The following CACNA1C variants were observed in gnomAD, a reference collection of about 807,000 sequenced individuals.
The protein encoded by CACNA1C is voltage-dependent L-type calcium channel subunit alpha-1C.
Under a neutral mutation model 229.0 loss-of-function variants are expected in CACNA1C, and 30 were observed. That is an observed-to-expected ratio of 0.13 (90% confidence interval 0.10 to 0.18). The LOEUF (loss-of-function observed/expected upper bound fraction) is 0.18. CACNA1C is among the 10% of genes least tolerant of loss of function. The pLI is 1.00. For missense variants in CACNA1C, 1,658 were observed against 2,845.0 expected, an observed-to-expected ratio of 0.58 and a Z score of 9.49; for synonymous variants, 1,114 against 1,132.5, an observed-to-expected ratio of 0.98 and a Z score of 0.33.
intron 3 of CACNA1C, among the ~76,000 whole-genome samples, chr12:2,201,697 T>A (rs1259619126): frequency 6.6e-6 from 1 of 152,238 alleles, no homozygotes; most frequent in Non-Finnish European, 1.5e-5. Flanking sequence ...AACAAGTTAC[T>A]GTGTCACATA....
chr12:2,178,438 T>A (rs2096732734), intron 3 of CACNA1C, among the ~76,000 whole-genome samples: 2 of 152,224 alleles, frequency 1.3e-5, no homozygotes, highest in African/African-American at 4.8e-5. Context: ...ATTATGTTTT[T>A]CCGACAATCC....
chr12:2,100,753 C>T (rs116444996), intron 1 of CACNA1C, among the ~76,000 whole-genome samples: 115 of 149,578 alleles, frequency 7.7e-4, no homozygotes, highest in African/African-American at 2.7e-3. Context: ...ACGAGACTGT[C>T]TCAAAAAAAG....
chr12:2,147,022 C>A (rs148538871), intron 3 of CACNA1C, among the ~76,000 whole-genome samples: 1 of 150,936 alleles, frequency 6.6e-6, no homozygotes, highest in African/African-American at 2.4e-5. Flanking sequence ...TCCAACCCCC[C>A]CAATTATCAA....
In CACNA1C at chr12:2,488,463, T is replaced by C. The variant is rs1292031852; in HGVS notation, c.916+2201T>C. ...CCGAACCTGTCATGGCCTCCTCTTCTCTTAGGACAAAGATAAGACTTGGCC... is the reference window on the plus strand; with the variant it reads ...CCGAACCTGTCATGGCCTCCTCTTCCCTTAGGACAAAGATAAGACTTGGCC... On this transcript the variant is annotated intron_variant, in intron 6 of 46. Coordinates refer to ENST00000399655, the MANE Select transcript of CACNA1C (RefSeq NM_000719.7). The surrounding 1 kb of genome is among the most constrained non-coding windows in gnomAD (Gnocchi z 4.0). Among the ~76,000 whole-genome samples, 2 of 152,166 alleles carry C rather than the reference T, an allele frequency of 1.3e-5. No homozygotes were observed. Among genetic ancestry groups the C allele is most frequent in the African/African-American group, 4.8e-5 (2 of 41,432 alleles).
intron 3 of CACNA1C, among the ~76,000 whole-genome samples, chr12:2,376,703 C>G (rs1245949084): frequency 6.6e-6 from 1 of 152,140 alleles, no homozygotes; most frequent in Admixed American, 6.5e-5. Flanking sequence ...GCAAGACCAC[C>G]CCAAGAACCC....
chr12:2,538,376 G>T (rs2099860911), intron 9 of CACNA1C, among the ~76,000 whole-genome samples: 1 of 152,188 alleles, frequency 6.6e-6, no homozygotes, highest in Non-Finnish European at 1.5e-5. Flanking sequence ...GGTTCTGGAA[G>T]CTGATGGCAC....
chr12:2,516,802 A>G (rs1341373565), intron 9 of CACNA1C, among the ~76,000 whole-genome samples: 1 of 152,188 alleles, frequency 6.6e-6, no homozygotes, highest in African/African-American at 2.4e-5. Flanking sequence ...GATGTTGAGT[A>G]TGTAATAAGG....
At chr12:2,171,433 G>T (rs1315833147) in intron 3 of CACNA1C, among the ~76,000 whole-genome samples, 1 of 152,192 alleles carries the variant, frequency 6.6e-6, no homozygotes, top group African/African-American at 2.4e-5. Flanking sequence ...TGAGCATTCT[G>T]CAGGGAGTCC....
rs759714594 is a variant in CACNA1C at position 2,651,526 on chromosome 12, C to A, written c.3946-114C>A. On this transcript the variant is annotated intron_variant, in intron 31 of 46. Coordinates refer to ENST00000399655, the MANE Select transcript of CACNA1C (RefSeq NM_000719.7). The surrounding 1 kb of genome is among the most constrained non-coding windows in gnomAD (Gnocchi z 5.4). ...GGAGGGGGAAGTCTAGTGCAGCAAA[C>A]CCTGGCCTGCCTTCCGCCACTGCCA... 2.0e-6 allele frequency: 3 copies of A among 1,534,850 alleles called. No individual in the cohort carries two copies. The East Asian group carries it at 6.8e-5, about 35-fold the overall frequency.
chr12:2,384,370 T>G (rs547498033), intron 3 of CACNA1C, among the ~76,000 whole-genome samples: 69 of 152,334 alleles, frequency 4.5e-4, no homozygotes, highest in African/African-American at 1.6e-3. Context: ...CTTATGTTGT[T>G]GGATCTTACT....
chr12:2,418,095 T>G (rs1353235955), intron 3 of CACNA1C, among the ~76,000 whole-genome samples: 3 of 152,166 alleles, frequency 2.0e-5, no homozygotes, highest in Non-Finnish European at 4.4e-5. Context: ...TCTCTGCTTT[T>G]GGGTCCCTGT....
intron 21 of CACNA1C, among the ~76,000 whole-genome samples, chr12:2,599,188 A>G (rs2153385980): frequency 6.6e-6 from 1 of 152,310 alleles, no homozygotes; most frequent in Non-Finnish European, 1.5e-5. Flanking sequence ...TTGTCATGGC[A>G]AGGTCCTTCC....
intron 1 of CACNA1C, among the ~76,000 whole-genome samples, chr12:1,980,911 TC>T: frequency 6.6e-6 from 1 of 151,882 alleles, no homozygotes; most frequent in Non-Finnish European, 1.5e-5. Context: ...AATCACAATA[TC>T]TCAATAAGCA....
intron 9 of CACNA1C, among the ~76,000 whole-genome samples, chr12:2,534,241 C>A (rs1393617888): frequency 6.6e-6 from 1 of 152,176 alleles, no homozygotes; most frequent in Admixed American, 6.5e-5. Flanking sequence ...GTGGCATATT[C>A]TGGAGGCAGA....
intron 3 of CACNA1C, among the ~76,000 whole-genome samples, chr12:2,361,101 G>A (rs1235509106): frequency 6.6e-6 from 1 of 151,796 alleles, no homozygotes; most frequent in Non-Finnish European, 1.5e-5. Flanking sequence ...AAGGTTGGGG[G>A]GCTGGGATCA....
At chr12:2,294,582 G>T (rs528698398) in intron 3 of CACNA1C, among the ~76,000 whole-genome samples, 2 of 151,876 alleles carry the variant, frequency 1.3e-5, no homozygotes. Context: ...GCGTGCTGTC[G>T]GGATACATCA....
At chr12:2,596,327 T>G in intron 20 of CACNA1C, 1 of 222,316 alleles carries the variant, frequency 4.5e-6, no homozygotes, top group Non-Finnish European at 8.8e-6. Context: ...ATGCCCTCCC[T>G]TGCTCCCAGC....
rs113051075 is a variant in CACNA1C at position 2,316,219 on chromosome 12, A to C, written c.478-132757A>C. ...GAGACACAGAAGGGCAGAACAGTTA[A>C]AAATTTAATTCCACCTTTGCCATCT... On this transcript the variant is annotated intron_variant, in intron 3 of 46. Coordinates refer to ENST00000399655, the MANE Select transcript of CACNA1C (RefSeq NM_000719.7). Among the ~76,000 whole-genome samples, 171 of 152,372 alleles carry C rather than the reference A, an allele frequency of 1.1e-3. 2 individuals carry two copies. Among genetic ancestry groups the C allele is most frequent in the African/African-American group, 3.9e-3 (164 of 41,592 alleles).
chr12:2,453,301 C>T (rs960573443), intron 4 of CACNA1C, among the ~76,000 whole-genome samples: 15 of 152,154 alleles, frequency 9.9e-5, no homozygotes, highest in African/African-American at 3.6e-4. Context: ...GCTGCAGCTT[C>T]CCATTTCTAG....
Sources: allele counts gnomAD v4.1 joint callset (sites outside exome capture counted in the v4.1 genomes callset), GRCh38; gene constraint gnomAD v4.1.1; non-coding constraint Gnocchi (gnomAD v3.1); transcripts MANE v1.5; gene names NCBI Gene and HGNC (gene_info 2026-07-23, HGNC 2026-07-21).